The following ZNF236 variants were observed in gnomAD, a reference collection of about 807,000 sequenced individuals.
ZNF236 encodes the protein regulated by glucose.
Under a neutral mutation model 191.2 loss-of-function variants are expected in ZNF236, and 50 were observed. The observed-to-expected ratio is 0.26, with a 90% confidence interval of 0.21 to 0.33. The LOEUF is 0.33. Ranked by LOEUF, ZNF236 falls within the 10% of genes least tolerant of loss-of-function variation. The pLI is 1.00. For missense variants in ZNF236, 1,754 were observed against 2,374.5 expected (o/e 0.74, Z 5.43); for synonymous variants, 907 against 928.8 (o/e 0.98, Z 0.43).
Position 76,904,531 on chromosome 18 carries a change from C to T in ZNF236, c.2036+10C>T, listed in dbSNP as rs111772926. 313 of 1,564,812 alleles carry T rather than the reference C, an allele frequency of 2.0e-4. 4 individuals are homozygous for T. In the African/African-American group the frequency reaches 3.4e-3, roughly 17 times the overall value. ...TTAAACAACACATCAGGTAAGGTAA[C>T]GGATTCACAGATGGAAATTTAGTAT... On this transcript the variant is annotated intron_variant, in intron 12 of 30. Transcript: ENST00000320610.
intron 4 of ZNF236, among the ~76,000 whole-genome samples, chr18:76,870,234 T>C (rs1976541556): frequency 6.6e-6 from 1 of 152,040 alleles, no homozygotes; most frequent in Non-Finnish European, 1.5e-5. Flanking sequence ...TGTTGACTAA[T>C]GTGGTACGCA....
chr18:76,955,287 G>A (rs545848081), intron 27 of ZNF236, among the ~76,000 whole-genome samples: 5 of 151,904 alleles, frequency 3.3e-5, no homozygotes, highest in East Asian at 3.9e-4. Context: ...GAGGTGGTGC[G>A]TACCTGTGGA....
At position 76,919,026 on chromosome 18, in the gene ZNF236, G is replaced by GC; in HGVS notation, c.3275-750_3275-749insC. On this transcript the variant is annotated intron_variant, in intron 19 of 30. Coordinates refer to ENST00000320610, the MANE Select transcript of ZNF236 (RefSeq NM_001306089.2). This position sits in a 1 kb window ranked among gnomAD's most constrained non-coding sequence, Gnocchi z 5.3. ...TTCTTTATAGTAATTGTTTTTAGTT[G>GC]GGGGCTGTTTGCTAATTTATTAATT... Among the ~76,000 whole-genome samples, 1 of 152,194 alleles carries GC rather than the reference G, an allele frequency of 6.6e-6. No homozygotes were observed. Among genetic ancestry groups the GC allele is most frequent in the South Asian group, 2.1e-4 (1 of 4,830 alleles).
At chr18:76,940,291 G>A (rs75812006) in intron 26 of ZNF236, among the ~76,000 whole-genome samples, 64 of 52,172 alleles carry the variant, frequency 1.2e-3, no homozygotes, top group South Asian at 1.3e-3. Flanking sequence ...ACGGTGGGCT[G>A]CCCTAGCACT....
chr18:76,970,001 C>T lies in ZNF236; in HGVS notation c.*1662C>T, dbSNP rs1412958794. ...TTGTGATACTGGACTTCTTACCAAT[C>T]CGGAGGTTTCCTTCCTTGAATGTCA... On this transcript the variant is annotated 3_prime_UTR_variant, in exon 31 of 31. Transcript: ENST00000320610. The T allele has an allele frequency of 6.6e-6, 1 of 152,630 alleles. No individual in the cohort carries two copies. Among genetic ancestry groups the T allele is most frequent in the African/African-American group, 2.4e-5 (1 of 41,460 alleles). The allele number at this position is 152,630 out of a possible 1,614,324, so 9.5% of individuals were successfully genotyped here.
intron 9 of ZNF236, among the ~76,000 whole-genome samples, chr18:76,882,037 T>A (rs1447529372): frequency 6.6e-6 from 1 of 152,188 alleles, no homozygotes; most frequent in Non-Finnish European, 1.5e-5. Flanking sequence ...GAGTATCCTG[T>A]CACCTGTCCC....
At chr18:76,900,896 G>T (rs1190682064) in intron 11 of ZNF236, among the ~76,000 whole-genome samples, 3 of 152,152 alleles carry the variant, frequency 2.0e-5, no homozygotes, top group Non-Finnish European at 4.4e-5. Flanking sequence ...TGGTTTCAGG[G>T]TAAAACTGTT....
At position 76,969,048 on chromosome 18, in the gene ZNF236, T is replaced by TA. The variant is rs113009986; in HGVS notation, c.*710dup. ...TGTCCACACGGGCTGGCGACACACT[T>TA]ACCGCATCAATCTGTGTTCAGGTCC... On this transcript the variant is annotated 3_prime_UTR_variant, in exon 31 of 31. Transcript: ENST00000320610. 6,826 of 880,496 alleles carry TA rather than the reference T, an allele frequency of 7.8e-3. 108 individuals carry two copies. Among genetic ancestry groups the TA allele is most frequent in the African/African-American group, 0.061 (3,372 of 55,368 alleles). The allele number at this position is 880,496 out of a possible 1,614,324, so 54.5% of individuals were successfully genotyped here.
chr18:76,902,943 CTGTCAAGCACAGGGTGG>C (rs1300133913), intron 11 of ZNF236, among the ~76,000 whole-genome samples: 1 of 152,074 alleles, frequency 6.6e-6, no homozygotes, highest in African/African-American at 2.4e-5. Flanking sequence ...TGAGGCTGTG[CTGTCAAGCACAGGGTGG>C]TGTCAGAGCT....
At chr18:76,882,728 ACTT>A (rs1480953161) in intron 9 of ZNF236, among the ~76,000 whole-genome samples, 5 of 152,040 alleles carry the variant, frequency 3.3e-5, no homozygotes, top group Non-Finnish European at 5.9e-5. Context: ...CTTGATCTGG[ACTT>A]CTTCTCCCCA....
At chr18:76,906,649 C>T (rs572515391) in intron 13 of ZNF236, among the ~76,000 whole-genome samples, 2 of 152,146 alleles carry the variant, frequency 1.3e-5, no homozygotes. Context: ...CCCTTGTTTC[C>T]GGACCCAGTG....
intron 1 of ZNF236, among the ~76,000 whole-genome samples, chr18:76,846,904 C>T (rs1419490648): frequency 6.6e-6 from 1 of 152,016 alleles, no homozygotes; most frequent in Non-Finnish European, 1.5e-5. Flanking sequence ...AAGCGATTCT[C>T]CTGCCTCAGC....
At chr18:76,831,430 A>G (rs2122395833) in intron 1 of ZNF236, among the ~76,000 whole-genome samples, 1 of 152,258 alleles carries the variant, frequency 6.6e-6, no homozygotes, top group Non-Finnish European at 1.5e-5. Flanking sequence ...ACATTTATCC[A>G]TTTACATTTT....
At position 76,877,370 on chromosome 18, in the gene ZNF236, C is replaced by T. The variant is rs145291890; in HGVS notation, c.841-639C>T. On this transcript the variant is annotated intron_variant, in intron 6 of 30. Transcript: ENST00000320610. The stretch of plus-strand genomic sequence containing the variant: ...CTAAAATACAAAAATTAGCTGGGCA[C>T]GATGGCAGGCGCCTGTAATCCCAGC... Among the ~76,000 whole-genome samples, 419 of 151,832 alleles carry T rather than the reference C, an allele frequency of 2.8e-3. 1 individual carries two copies. The highest frequency in any genetic ancestry group is 0.017 in the Middle Eastern group (5 of 294).
In ZNF236 at chr18:76,910,733, A is replaced by C. The variant is rs770696288; in HGVS notation, c.2727A>C (p.Thr909=). The C allele has an allele frequency of 1.8e-4, 292 of 1,614,084 alleles. No homozygotes were observed. The highest frequency in any genetic ancestry group is 2.5e-4 in the Non-Finnish European group (292 of 1,180,042). The change falls in exon 16 of 31, where the codon ACA becomes ACC. Residue 909 remains threonine (T), a synonymous_variant. Coordinates refer to ENST00000320610, the MANE Select transcript of ZNF236 (RefSeq NM_001306089.2). ...TCCAACAGCTACAGGATTCCAGCACACTTGAGTCTCAGGCCCTCTCCACAA... is the reference window on the plus strand; with the variant it reads ...TCCAACAGCTACAGGATTCCAGCACCCTTGAGTCTCAGGCCCTCTCCACAA... ...PPVQQLQDSS[T]LESQALSTSF... is the part of the protein sequence containing the mutation.
chr18:76,962,083 G>C (rs1005882014), intron 30 of ZNF236, among the ~76,000 whole-genome samples: 2 of 151,962 alleles, frequency 1.3e-5, no homozygotes, highest in South Asian at 2.1e-4. Context: ...TGAAGTCCCA[G>C]CTATTTATCT....
At chr18:76,826,479 T>C (rs993339543) in intron 1 of ZNF236, among the ~76,000 whole-genome samples, 2 of 151,538 alleles carry the variant, frequency 1.3e-5, no homozygotes, top group African/African-American at 4.8e-5. Context: ...GGGAACTGGA[T>C]CTCCATTTGT....
intron 18 of ZNF236, 59 bp from the exon 19 acceptor site, chr18:76,915,588 G>T: frequency 6.5e-7 from 1 of 1,536,784 alleles, no homozygotes; most frequent in South Asian, 1.1e-5. Flanking sequence ...ACTGCTTCTG[G>T]TTTTAAGGTA....
chr18:76,849,013 T>G (rs1975781746), intron 1 of ZNF236, among the ~76,000 whole-genome samples: 1 of 152,258 alleles, frequency 6.6e-6, no homozygotes, highest in African/African-American at 2.4e-5. Context: ...ATTGAGTTTG[T>G]GAATTAGCAT....
Sources: allele counts gnomAD v4.1 joint callset (sites outside exome capture counted in the v4.1 genomes callset), GRCh38; gene constraint gnomAD v4.1.1; non-coding constraint Gnocchi (gnomAD v3.1); transcripts MANE v1.5; gene names NCBI Gene and HGNC (gene_info 2026-07-23, HGNC 2026-07-21).